Variants in MAP3K4 observed in about 807,000 individuals in gnomAD.
The protein encoded by MAP3K4 is MAP three kinase 1.
In MAP3K4, 67 loss-of-function variants were observed where a neutral mutation model predicts 185.6. The observed-to-expected ratio is 0.36, with a 90% CI of 0.30 to 0.44. The LOEUF (loss-of-function observed/expected upper bound fraction) is 0.44. Among genes scored for constraint, MAP3K4 ranks in the 20% least tolerant of loss-of-function variants. The pLI is 1.00. For synonymous variants in MAP3K4, 702 were observed against 710.4 expected, an observed-to-expected ratio of 0.99 and a Z score of 0.19; for missense variants, 1,551 against 1,995.1, an observed-to-expected ratio of 0.78 and a Z score of 4.24.
rs1777711616 is a variant in MAP3K4, at chr6:161,099,000, G to T, written c.3674+573G>T. Among the ~76,000 whole-genome samples the T allele has an allele frequency of 6.6e-6, 1 of 152,206 alleles. No homozygotes were observed. The highest frequency in any genetic ancestry group is 1.5e-5 in the Non-Finnish European group (1 of 68,040). On this transcript the variant is annotated intron_variant, in intron 17 of 26. Coordinates refer to ENST00000392142, the MANE Select transcript of MAP3K4 (RefSeq NM_005922.4). The surrounding 1 kb of genome is among the most constrained non-coding windows in gnomAD (Gnocchi z 4.4). ...CCCCAGAACAATTAAGTCTCGCATT[G>T]TCTTTTGTGTAAGTAAGGAGGGTCT...
Position 161,108,468 on chromosome 6 carries a change from C to G in MAP3K4, c.4120-275C>G, listed in dbSNP as rs1778204392. Among the ~76,000 whole-genome samples, 1 of 152,126 alleles carries G rather than the reference C, an allele frequency of 6.6e-6. No homozygotes were observed. The highest frequency in any genetic ancestry group is 2.4e-5 in the African/African-American group (1 of 41,422). ...GGAGAGGGGAGGCTCCAGCGTCTTG[C>G]ACTTGCCGTGGAGCCGCGTCCTCCT... On this transcript the variant is annotated intron_variant, in intron 21 of 26. Transcript: ENST00000392142. The surrounding 1 kb of genome is among the most constrained non-coding windows in gnomAD (Gnocchi z 5.7).
Position 161,007,513 on chromosome 6 carries a change from C to A in MAP3K4, c.152+15430C>A, listed in dbSNP as rs1324631376. Among the ~76,000 whole-genome samples, 1 of 152,212 alleles carries A rather than the reference C, an allele frequency of 6.6e-6. No homozygotes were observed. The highest frequency in any genetic ancestry group is 2.4e-5 in the African/African-American group (1 of 41,446). On this transcript the variant is annotated intron_variant, in intron 1 of 26. Transcript: ENST00000392142. This position sits in a 1 kb window ranked among gnomAD's most constrained non-coding sequence, Gnocchi z 4.5. Reference sequence around the variant, plus strand: ...AGCACAGGGCTCAGATAAAGTTAAACAGTTGTGTCAAGTGATGGGTGTGTA... The same window carrying A: ...AGCACAGGGCTCAGATAAAGTTAAAAAGTTGTGTCAAGTGATGGGTGTGTA...
At position 161,060,907 on chromosome 6, in the gene MAP3K4, A is replaced by C. The variant is rs568540344; in HGVS notation, c.1708-9701A>C. ...AGTGCTGAGATTACAGGCACGAGCCACCGCGCCCGGCCACTGAGAATCAGG... is the reference window on the plus strand; with the variant it reads ...AGTGCTGAGATTACAGGCACGAGCCCCCGCGCCCGGCCACTGAGAATCAGG... On this transcript the variant is annotated intron_variant, in intron 3 of 26. Coordinates refer to ENST00000392142, the MANE Select transcript of MAP3K4 (RefSeq NM_005922.4). 5.5e-4 allele frequency among the ~76,000 whole-genome samples: 83 copies of C among 152,224 alleles called. 1 individual carries two copies. Among genetic ancestry groups the C allele is most frequent in the Non-Finnish European group, 1.0e-4 (7 of 68,014 alleles).
In MAP3K4 at chr6:161,115,291, T is replaced by A. The variant is rs1778542156; in HGVS notation, c.4795T>A (p.Ser1599Thr). Residue 1599 changes from serine (S) to threonine (T), a missense_variant, in exon 26 of 27, where the codon TCG (serine) becomes ACG (threonine). By Grantham distance (58) the Ser-to-Thr change is moderately conservative. This residue lies in a region of MAP3K4 where 2 missense variants were observed against 17.4 expected (regional missense o/e 0.12). Coordinates refer to ENST00000392142, the MANE Select transcript of MAP3K4 (RefSeq NM_005922.4). The surrounding 1 kb of genome is among the most constrained non-coding windows in gnomAD (Gnocchi z 6.0). ...GACCGCCAGCCAGCTCCTCGACCAT[T>A]CGTTTGTCAAGGTTTGGCAGATTAC... Reference protein sequence around the residue: ...RWTASQLLDHSFVKVCTDEE With the variant: ...RWTASQLLDHTFVKVCTDEE 2 of 1,612,506 alleles carry A rather than the reference T, an allele frequency of 1.2e-6. No individual in the cohort carries two copies. The highest frequency in any genetic ancestry group is 2.7e-5 in the African/African-American group (2 of 74,864).
chr6:161,098,297 G>A lies in MAP3K4; in HGVS notation c.3544G>A (p.Asp1182Asn), dbSNP rs753989837. ...EGFSTRSMPS[D>N]ARSHGSPAAA... ...TCTTAGCACTCGGAGCATGCCTTCCGACGCGCGGAGCCATGGCAGCCCTGC... is the reference window on the plus strand; with the variant it reads ...TCTTAGCACTCGGAGCATGCCTTCCAACGCGCGGAGCCATGGCAGCCCTGC... Residue 1182 changes from aspartate (D) to asparagine (N), a missense_variant, in exon 17 of 27, where the codon GAC (aspartate) becomes AAC (asparagine). This residue lies in a region of MAP3K4 where 272 missense variants were observed against 301.2 expected (regional missense o/e 0.90). Transcript: ENST00000392142. This position sits in a 1 kb window ranked among gnomAD's most constrained non-coding sequence, Gnocchi z 4.4. The A allele has an allele frequency of 2.5e-5, 41 of 1,611,360 alleles. No individual in the cohort carries two copies. The highest frequency in any genetic ancestry group is 3.3e-5 in the South Asian group (3 of 90,844).
intron 25 of MAP3K4, among the ~76,000 whole-genome samples, chr6:161,113,318 A>G (rs1346188619): frequency 6.6e-6 from 1 of 152,218 alleles, no homozygotes; most frequent in African/African-American, 2.4e-5. Context: ...ACATTGGGGA[A>G]GAGGCAAAAC....
chr6:161,019,110 G>A (rs544293271), intron 1 of MAP3K4, among the ~76,000 whole-genome samples: 59 of 152,182 alleles, frequency 3.9e-4, no homozygotes, highest in East Asian at 2.1e-3. Context: ...GAGGAGAACC[G>A]AAAAAATTTT....
At chr6:161,039,279 CAAA>C (rs3050259) in intron 2 of MAP3K4, among the ~76,000 whole-genome samples, 3 of 71,948 alleles carry the variant, frequency 4.2e-5, no homozygotes, top group Non-Finnish European at 2.7e-5. Context: ...CGCAAAAATG[CAAA>C]AAAAAAAAAA....
rs931419554 is a variant in MAP3K4 at position 161,061,084 on chromosome 6, A to C, written c.1708-9524A>C. ...AGATGAAAACACATACACAAAATGCATCACATGTCCTTTCTGATAGTTCTG... is the reference window on the plus strand; with the variant it reads ...AGATGAAAACACATACACAAAATGCCTCACATGTCCTTTCTGATAGTTCTG... On this transcript the variant is annotated intron_variant, in intron 3 of 26. Transcript: ENST00000392142. This position sits in a 1 kb window ranked among gnomAD's most constrained non-coding sequence, Gnocchi z 4.2. Among the ~76,000 whole-genome samples the C allele has an allele frequency of 6.6e-6, 1 of 152,252 alleles. No individual in the cohort carries two copies. The highest frequency in any genetic ancestry group is 1.5e-5 in the Non-Finnish European group (1 of 68,044).
At position 161,091,430 on chromosome 6, in the gene MAP3K4, G is replaced by T; in HGVS notation, c.3025G>T (p.Asp1009Tyr). 1.9e-6 allele frequency: 3 copies of T among 1,614,002 alleles called. No homozygotes were observed. Among genetic ancestry groups the T allele is most frequent in the Non-Finnish European group, 2.5e-6 (3 of 1,179,986 alleles). Residue 1009 changes from aspartate to tyrosine, a missense_variant, in exon 12 of 27, where the codon GAC becomes TAC. Physicochemically the swap from Asp to Tyr is radical, Grantham distance 160. Around this residue, in one of 16 missense-constraint regions of MAP3K4, gnomAD observed 261 missense variants for 306.5 expected, o/e 0.85. Transcript: ENST00000392142. This position sits in a 1 kb window ranked among gnomAD's most constrained non-coding sequence, Gnocchi z 5.5. ...NRISNAIDRV[D>Y]HMFTSEFDAE... ...GATAAGCAATGCCATTGACCGCGTGGACCACATGTTCACATCAGAATTTGA... is the reference window on the plus strand; with the variant it reads ...GATAAGCAATGCCATTGACCGCGTGTACCACATGTTCACATCAGAATTTGA...
rs184781741 is a variant in MAP3K4 at position 161,064,401 on chromosome 6, G to C, written c.1708-6207G>C. 2.3e-3 allele frequency among the ~76,000 whole-genome samples: 351 copies of C among 151,580 alleles called. 2 individuals are homozygous for C. The highest frequency in any genetic ancestry group is 4.1e-3 in the Non-Finnish European group (278 of 67,936). The stretch of plus-strand genomic sequence containing the variant: ...GCATGTCATTATTTTTCTGTTAATT[G>C]CTTATAACATACATTAGATAACCCA... On this transcript the variant is annotated intron_variant, in intron 3 of 26. Coordinates refer to ENST00000392142, the MANE Select transcript of MAP3K4 (RefSeq NM_005922.4). The surrounding 1 kb of genome is among the most constrained non-coding windows in gnomAD (Gnocchi z 4.3).
Position 161,097,095 on chromosome 6 carries a change from GC to G in MAP3K4, c.3448del (p.Arg1150ValfsTer3). 6.2e-7 allele frequency: 1 copy of G among 1,614,036 alleles called. No homozygotes were observed. Among genetic ancestry groups the G allele is most frequent in the Non-Finnish European group, 8.5e-7 (1 of 1,179,972 alleles). On this transcript the variant is annotated frameshift_variant, in exon 16 of 27. Coordinates refer to ENST00000392142, the MANE Select transcript of MAP3K4 (RefSeq NM_005922.4). LOFTEE classifies it high-confidence loss of function. The surrounding 1 kb of genome is among the most constrained non-coding windows in gnomAD (Gnocchi z 4.9). ...TTGCTGGCAGCCATTCATCGGAACA[GC>G]CCCCGTCCTATGAAGGTACCTCGAT... ...TGLYLAIHRN[S>X]PRPMKVPRCH...
Position 161,049,832 on chromosome 6 carries a change from T to C in MAP3K4, c.1560T>C (p.His520=). ...GCACAGAAGCAGGCTTTAGTAGACA[T>C]TGTCTGACTTCTATTTATAGACCAT... is the stretch of plus-strand genomic sequence containing the variant. ...DWSTEAGFSR[H]CLTSIYRPFV... The change falls in exon 3 of 27, where the codon CAT becomes CAC. Residue 520 remains histidine (H), a synonymous_variant. Coordinates refer to ENST00000392142, the MANE Select transcript of MAP3K4 (RefSeq NM_005922.4). This position sits in a 1 kb window ranked among gnomAD's most constrained non-coding sequence, Gnocchi z 8.4. 1 of 1,614,082 alleles carries C rather than the reference T, an allele frequency of 6.2e-7. No individual in the cohort carries two copies. The highest frequency in any genetic ancestry group is 8.5e-7 in the Non-Finnish European group (1 of 1,179,996).
chr6:161,101,531 A>G lies in MAP3K4; in HGVS notation c.3675-361A>G, dbSNP rs976848629. 1.2e-4 allele frequency: 19 copies of G among 161,782 alleles called. No homozygotes were observed. The highest frequency in any genetic ancestry group is 5.4e-5 in the Non-Finnish European group (4 of 74,740). 10.0% of individuals were successfully genotyped at this position (161,782 alleles called of 1,614,324 possible). A position where few individuals can be genotyped will look rare whatever the true frequency, so the allele number is the denominator to read the frequency against. ...GTGTTGTGTTTTTATTTCTGTTGTT[A>G]ATATAAGACAAGGTTTTATGCAGGC... On this transcript the variant is annotated intron_variant, in intron 17 of 26. Coordinates refer to ENST00000392142, the MANE Select transcript of MAP3K4 (RefSeq NM_005922.4). The surrounding 1 kb of genome is among the most constrained non-coding windows in gnomAD (Gnocchi z 5.1).
rs1024775367 is a variant in MAP3K4, at chr6:161,082,231, C to G, written c.2255+1193C>G. 6.6e-6 allele frequency among the ~76,000 whole-genome samples: 1 copy of G among 152,038 alleles called. No individual in the cohort carries two copies. Among genetic ancestry groups the G allele is most frequent in the Admixed American group, 6.6e-5 (1 of 15,254 alleles). ...CCATAGTCAGCCTTTTTAAAAAAGG[C>G]ATTCATTGTCATTTGCAACATGTCT... On this transcript the variant is annotated intron_variant, in intron 6 of 26. Transcript: ENST00000392142. The surrounding 1 kb of genome is among the most constrained non-coding windows in gnomAD (Gnocchi z 4.2).
At position 161,112,245 on chromosome 6, in the gene MAP3K4, A is replaced by G. The variant is rs753915498; in HGVS notation, c.4519+287A>G. Among the ~76,000 whole-genome samples, 2 of 152,162 alleles carry G rather than the reference A, an allele frequency of 1.3e-5. No homozygotes were observed. The highest frequency in any genetic ancestry group is 6.5e-5 in the Admixed American group (1 of 15,278). Reference sequence around the variant, plus strand: ...GTTTTTCTTAAAACTTAAAAAATGTAGACATTGTTTGTGCTCTGTAATGTG... The same window carrying G: ...GTTTTTCTTAAAACTTAAAAAATGTGGACATTGTTTGTGCTCTGTAATGTG... On this transcript the variant is annotated intron_variant, in intron 24 of 26. Transcript: ENST00000392142. This position sits in a 1 kb window ranked among gnomAD's most constrained non-coding sequence, Gnocchi z 5.1.
rs1778083359 is a variant in MAP3K4, at chr6:161,106,618, G to A, written c.3961G>A (p.Val1321Ile). ...EMRRKNIIGQ[V>I]CDTPKSYDNV... ...GAGGAGAAAGAATATCATTGGTCAA[G>A]TTTGTGATACGCCTAAGTCCTATGA... Residue 1321 changes from valine to isoleucine, a missense_variant, in exon 20 of 27, where the codon GTT becomes ATT. Transcript: ENST00000392142. This position sits in a 1 kb window ranked among gnomAD's most constrained non-coding sequence, Gnocchi z 4.9. 50 of 1,614,118 alleles carry A rather than the reference G, an allele frequency of 3.1e-5. No homozygotes were observed. Among genetic ancestry groups the A allele is most frequent in the Non-Finnish European group, 4.2e-5 (49 of 1,179,980 alleles).
At position 161,091,707 on chromosome 6, in the gene MAP3K4, CTG is replaced by C. The variant is rs1777319733; in HGVS notation, c.3135+169_3135+170del. Among the ~76,000 whole-genome samples the C allele has an allele frequency of 6.6e-6, 1 of 152,132 alleles. No homozygotes were observed. The highest frequency in any genetic ancestry group is 1.5e-5 in the Non-Finnish European group (1 of 68,022). On this transcript the variant is annotated intron_variant, in intron 12 of 26. Transcript: ENST00000392142. The surrounding 1 kb of genome is among the most constrained non-coding windows in gnomAD (Gnocchi z 5.5). ...TCAGAGATGTTAGTTTACTTTTAAA[CTG>C]TTAGGTAATTGTCCAACTTTTATTT...
rs185490064 is a variant in MAP3K4 at position 161,032,570 on chromosome 6, C to G, written c.153-1689C>G. ...GGATTTAAACGTGGGTCTACTACAC[C>G]ACCAAGGCTATGCTGCTTTTCATTC... On this transcript the variant is annotated intron_variant, in intron 1 of 26. Coordinates refer to ENST00000392142, the MANE Select transcript of MAP3K4 (RefSeq NM_005922.4). 2.7e-3 allele frequency among the ~76,000 whole-genome samples: 404 copies of G among 152,276 alleles called. 1 individual carries two copies. Among genetic ancestry groups the G allele is most frequent in the African/African-American group, 9.4e-3 (389 of 41,554 alleles).
Sources: allele counts gnomAD v4.1 joint callset (sites outside exome capture counted in the v4.1 genomes callset), GRCh38; gene constraint gnomAD v4.1.1; regional missense constraint gnomAD v4.1.1; non-coding constraint Gnocchi (gnomAD v3.1); transcripts MANE v1.5; gene names NCBI Gene and HGNC (gene_info 2026-07-23, HGNC 2026-07-21).